NR3C2: variants seen among roughly 807,000 people sequenced by gnomAD.
NR3C2 encodes the protein mineralocorticoid receptor.
A neutral mutation model predicts 86.4 loss-of-function variants in NR3C2; 15 were observed. The observed-to-expected ratio is 0.17, with a 90% CI of 0.12 to 0.27. NR3C2 has a LOEUF of 0.27. NR3C2 is among the 10% of genes least tolerant of loss of function. NR3C2 has a pLI of 1.00. For synonymous variants in NR3C2, 458 were observed against 450.5 expected (o/e 1.02, Z -0.21); for missense variants, 960 against 1,195.6 (o/e 0.80, Z 2.91).
chr4:148,106,072 T>C (rs1560924389), intron 8 of NR3C2, among the ~76,000 whole-genome samples: 1 of 152,142 alleles, frequency 6.6e-6, no homozygotes, highest in African/African-American at 2.4e-5. Flanking sequence ...GGAAGTCAAA[T>C]TGTCACTGTT....
intron 2 of NR3C2, among the ~76,000 whole-genome samples, chr4:148,362,376 C>G (rs1326651715): frequency 6.6e-6 from 1 of 152,128 alleles, no homozygotes; most frequent in Non-Finnish European, 1.5e-5. Context: ...TATTAATTAC[C>G]TTGATCTGAT....
chr4:148,122,921 A>AT (rs1178493205), intron 6 of NR3C2, among the ~76,000 whole-genome samples: 1 of 152,194 alleles, frequency 6.6e-6, no homozygotes, highest in Admixed American at 6.5e-5. Flanking sequence ...AATAACAGCG[A>AT]TTTTTAGGGA....
Position 148,216,391 on chromosome 4 carries a change from C to T in NR3C2, c.1898-21529G>A, listed in dbSNP as rs117798899. ...GGATCATTTAACTAAGATAACAATC[C>T]CATGAAACAGTCTTAGCATCTCCAT... On this transcript the variant is annotated intron_variant, in intron 3 of 8. Transcript: ENST00000358102. Among the ~76,000 whole-genome samples the T allele has an allele frequency of 2.3e-3, 355 of 152,154 alleles. 7 individuals are homozygous for T. The East Asian group carries it at 0.037, about 16-fold the overall frequency.
intron 2 of NR3C2, among the ~76,000 whole-genome samples, chr4:148,262,883 T>C (rs59607717): frequency 0.044 from 6,678 of 152,218 alleles, 468 homozygotes; most frequent in African/African-American, 0.15. Context: ...TAAATTTTAT[T>C]CGTTTTATCC....
intron 6 of NR3C2, among the ~76,000 whole-genome samples, chr4:148,138,900 A>G (rs1733478074): frequency 6.6e-6 from 1 of 152,196 alleles, no homozygotes. Context: ...GATATGTTAT[A>G]AAAGCAAGTT....
At chr4:148,118,116 C>T (rs1732352488) in intron 7 of NR3C2, among the ~76,000 whole-genome samples, 1 of 152,158 alleles carries the variant, frequency 6.6e-6, no homozygotes, top group Non-Finnish European at 1.5e-5. Flanking sequence ...TTGGAAAATG[C>T]CTGTGCTGTT....
chr4:148,240,313 T>C (rs868368525), intron 3 of NR3C2, among the ~76,000 whole-genome samples: 2 of 150,504 alleles, frequency 1.3e-5, no homozygotes, highest in South Asian at 2.1e-4. Flanking sequence ...TAAACCCCAA[T>C]GTGCGTTTTA....
At chr4:148,275,013 T>C (rs1256905042) in intron 2 of NR3C2, among the ~76,000 whole-genome samples, 1 of 152,112 alleles carries the variant, frequency 6.6e-6, no homozygotes, top group Non-Finnish European at 1.5e-5. Context: ...TAGTTCTTTA[T>C]AACAGTGTGA....
chr4:148,221,908 A>G (rs1008622252), intron 3 of NR3C2, among the ~76,000 whole-genome samples: 11 of 151,326 alleles, frequency 7.3e-5, no homozygotes, highest in East Asian at 3.9e-4. Context: ...AAAAAAAAAA[A>G]AAAAGAAAAA....
upstream of NR3C2, chr4:148,444,520 A>G: frequency 1.0e-6 from 1 of 986,184 alleles, no homozygotes. Context: ...CTGTCGCTGC[A>G]CTCACCTTTT....
chr4:148,404,074 T>G (rs1376570458), intron 2 of NR3C2, among the ~76,000 whole-genome samples: 1 of 152,108 alleles, frequency 6.6e-6, no homozygotes, highest in Admixed American at 6.5e-5. Context: ...TATTTTGAAC[T>G]CAGATGTATC....
intron 3 of NR3C2, 133 bp downstream of exon 3, chr4:148,259,845 T>C (rs1365862644): frequency 2.6e-6 from 3 of 1,161,528 alleles, no homozygotes; most frequent in Non-Finnish European, 2.5e-6. Flanking sequence ...CAAGGCACTA[T>C]TACTGTTTAT....
intron 2 of NR3C2, among the ~76,000 whole-genome samples, chr4:148,431,200 CTCTTT>C (rs957075441): frequency 6.6e-6 from 1 of 152,124 alleles, no homozygotes; most frequent in African/African-American, 2.4e-5. Context: ...ACAACTGCTC[CTCTTT>C]TCAAGTAAAA....
intron 4 of NR3C2, among the ~76,000 whole-genome samples, chr4:148,156,423 A>T (rs1454121634): frequency 2.6e-5 from 4 of 152,132 alleles, no homozygotes; most frequent in Non-Finnish European, 4.4e-5. Flanking sequence ...CAAGAAAAAA[A>T]CAAACAACCC....
intron 2 of NR3C2, among the ~76,000 whole-genome samples, chr4:148,420,582 T>C (rs1749233755): frequency 6.6e-6 from 1 of 152,326 alleles, no homozygotes; most frequent in Middle Eastern, 3.4e-3. Flanking sequence ...TGGGTGTTCC[T>C]AAAAGTGAGG....
intron 3 of NR3C2, among the ~76,000 whole-genome samples, chr4:148,251,861 T>C (rs1739594794): frequency 6.6e-6 from 1 of 152,190 alleles, no homozygotes; most frequent in South Asian, 2.1e-4. Context: ...TATAGCAAGA[T>C]AACTGTTAAA....
At chr4:148,117,197 G>C (rs1192607015) in intron 7 of NR3C2, among the ~76,000 whole-genome samples, 1 of 152,112 alleles carries the variant, frequency 6.6e-6, no homozygotes, top group African/African-American at 2.4e-5. Context: ...AAACTAGAGA[G>C]AACATGCCCT....
chr4:148,125,334 C>T lies in NR3C2; in HGVS notation c.2511-5046G>A, dbSNP rs73853755. Among the ~76,000 whole-genome samples the T allele has an allele frequency of 9.5e-3, 1,442 of 152,286 alleles. 23 individuals carry two copies. The highest frequency in any genetic ancestry group is 0.033 in the African/African-American group (1,377 of 41,552). ...TAGTTTTATTGTCCTTGTTAGTAGA[C>T]AGCGAAATCTTTGCCAAGCCCTGGA... On this transcript the variant is annotated intron_variant, in intron 6 of 8. Transcript: ENST00000358102.
chr4:148,281,711 G>A (rs1002068160), intron 2 of NR3C2, among the ~76,000 whole-genome samples: 8 of 152,102 alleles, frequency 5.3e-5, no homozygotes, highest in Admixed American at 1.3e-4. Flanking sequence ...TATACCTCTC[G>A]ATTCAGTCTA....
Sources: allele counts gnomAD v4.1 joint callset (sites outside exome capture counted in the v4.1 genomes callset), GRCh38; gene constraint gnomAD v4.1.1; transcripts MANE v1.5; gene names NCBI Gene and HGNC (gene_info 2026-07-23, HGNC 2026-07-21).